PPFIA4: variants seen among roughly 807,000 people sequenced by gnomAD.
The protein encoded by PPFIA4 is PPFI scaffold protein A4.
In PPFIA4, 98 loss-of-function variants were observed where a neutral mutation model predicts 145.7. The observed-to-expected ratio is 0.67, with a 90% confidence interval of 0.57 to 0.80. The LOEUF is 0.80. Ranked by LOEUF, PPFIA4 falls within the 30% of genes least tolerant of loss-of-function variation. PPFIA4 has a pLI of 0.00. For missense variants in PPFIA4, 1,457 were observed against 1,632.7 expected, an observed-to-expected ratio of 0.89 and a Z score of 1.85; for synonymous variants, 628 against 649.6, an observed-to-expected ratio of 0.97 and a Z score of 0.51.
At chr1:203,061,311 G>C (rs137929997) in intron 23 of PPFIA4, 365 of 551,324 alleles carry the variant, frequency 6.6e-4, no homozygotes, top group African/African-American at 6.3e-3. Flanking sequence ...GCTGGGGAGG[G>C]CTTTGCCCTG....
rs1173005176 is a variant in PPFIA4 at position 203,075,909 on chromosome 1, GTGTGTGCGCACTAACCCGCCGCTC to G, written c.3574+159_3574+182del. 7.3e-6 allele frequency: 6 copies of G among 824,636 alleles called. No homozygotes were observed. Among genetic ancestry groups the G allele is most frequent in the Non-Finnish European group, 8.6e-6 (5 of 584,700 alleles). 51.1% of individuals were successfully genotyped at this position (824,636 alleles called of 1,614,324 possible). On this transcript the variant is annotated intron_variant, in intron 29 of 29. Transcript: ENST00000295706. This position sits in a 1 kb window ranked among gnomAD's most constrained non-coding sequence, Gnocchi z 4.1. ...GCTGCACTAACGCTCCGCGGGGAGCGTGTGTGCGCACTAACCCGCCGCTCTGTGTGTTCTCCCGCGGCTGCCGAC... is the reference window on the plus strand; with the variant it reads ...GCTGCACTAACGCTCCGCGGGGAGCGTGTGTGTTCTCCCGCGGCTGCCGAC...
rs938913671 is a variant in PPFIA4, at chr1:203,052,311, C to T, written c.1620+434C>T. ...CCTTGGGATGGCACCTGGAGTTTTC[C>T]GAGAAGCAGCTGTGAGTTCATGCTG... On this transcript the variant is annotated intron_variant, in intron 14 of 29. Transcript: ENST00000295706. Among the ~76,000 whole-genome samples the T allele has an allele frequency of 5.3e-5, 8 of 152,034 alleles. No homozygotes were observed. In the East Asian group the frequency reaches 5.8e-4, roughly 11 times the overall value.
intron 27 of PPFIA4, among the ~76,000 whole-genome samples, chr1:203,070,560 CA>C (rs1662078464): frequency 9.3e-6 from 1 of 107,628 alleles, no homozygotes; most frequent in Non-Finnish European, 1.8e-5. Flanking sequence ...CCAGCCTGGG[CA>C]ACAGAATGAG....
intron 7 of PPFIA4, 102 bp from the exon 8 acceptor site, chr1:203,045,739 C>T (rs1660033467): frequency 1.3e-6 from 2 of 1,554,170 alleles, no homozygotes; most frequent in African/African-American, 1.4e-5. Flanking sequence ...TAGCTCATGC[C>T]CCTTAATGGG....
chr1:203,066,795 A>C (rs936466904), intron 25 of PPFIA4, among the ~76,000 whole-genome samples: 1 of 152,214 alleles, frequency 6.6e-6, no homozygotes, highest in Non-Finnish European at 1.5e-5. Flanking sequence ...TTAATTCATC[A>C]AGCATTTGTA....
chr1:203,037,880 G>T (rs1281569385), intron 1 of PPFIA4, among the ~76,000 whole-genome samples: 3 of 152,204 alleles, frequency 2.0e-5, no homozygotes, highest in Admixed American at 2.0e-4. Flanking sequence ...TGATGCAAAG[G>T]TAGGAGGCTG....
Position 203,056,849 on chromosome 1 carries a change from G to T in PPFIA4, c.2306G>T (p.Gly769Val). The T allele has an allele frequency of 6.2e-7, 1 of 1,614,080 alleles. No homozygotes were observed. ...AGCAGCCAGGACTCCCTGCACAAGG[G>T]CGCCAAGCGCAAGGGCATCAAGTCG... ...SNSSQDSLHK[G>V]AKRKGIKSSI... Residue 769 changes from glycine to valine, a missense_variant, in exon 19 of 30, where the codon GGC becomes GTC. Around this residue, in one of 3 missense-constraint regions of PPFIA4, gnomAD observed 848 missense variants for 1,046.7 expected, o/e 0.81. Coordinates refer to ENST00000295706, the MANE Select transcript of PPFIA4 (RefSeq NM_001304331.2).
In PPFIA4 at chr1:203,055,369, G is replaced by C. The variant is rs924080111; in HGVS notation, c.1830-63G>C. 1 of 1,604,108 alleles carries C rather than the reference G, an allele frequency of 6.2e-7. No individual in the cohort carries two copies. ...TGGTGGCGAGTGCAGGCATCGACCC[G>C]CACTGCCTCCTGCTGGTCCTGGCTG... On this transcript the variant is annotated intron_variant, in intron 15 of 29. Coordinates refer to ENST00000295706, the MANE Select transcript of PPFIA4 (RefSeq NM_001304331.2). This position sits in a 1 kb window ranked among gnomAD's most constrained non-coding sequence, Gnocchi z 4.8.
chr1:203,054,928 G>A (rs1164396182), intron 15 of PPFIA4, among the ~76,000 whole-genome samples: 5 of 152,068 alleles, frequency 3.3e-5, no homozygotes, highest in Admixed American at 6.5e-5. Flanking sequence ...GTGTGAGAGA[G>A]TGTGTGTGTG....
intron 25 of PPFIA4, among the ~76,000 whole-genome samples, chr1:203,064,810 C>G (rs1229515748): frequency 2.6e-5 from 4 of 152,230 alleles, no homozygotes; most frequent in African/African-American, 7.2e-5. Flanking sequence ...CCCAGCCCCC[C>G]AGCCTGCTTC....
In PPFIA4 at chr1:203,045,525, A is replaced by T. The variant is rs772722223; in HGVS notation, c.824A>T (p.Glu275Val). 6.2e-7 allele frequency: 1 copy of T among 1,603,592 alleles called. No homozygotes were observed. Among genetic ancestry groups the T allele is most frequent in the East Asian group, 2.2e-5 (1 of 44,460 alleles). The stretch of plus-strand genomic sequence containing the variant: ...CGCCGGGACCTCATCAAGTCGGAGG[A>T]GCTGAGCAGCAAGCATCAGCGGGAC... ...TARRDLIKSE[E>V]LSSKHQRDLR... Residue 275 changes from glutamate to valine, a missense_variant, in exon 7 of 30, where the codon GAG becomes GTG. By Grantham distance (121) the Glu-to-Val change is moderately radical. Transcript: ENST00000295706.
intron 6 of PPFIA4, 131 bp downstream of exon 6, chr1:203,044,916 T>A: frequency 1.3e-6 from 1 of 774,660 alleles, no homozygotes; most frequent in East Asian, 2.7e-5. Context: ...TATTCCCCCT[T>A]CTCTTTTCTT....
intron 19 of PPFIA4, among the ~76,000 whole-genome samples, chr1:203,057,545 T>A (rs1661059008): frequency 6.6e-6 from 1 of 152,242 alleles, no homozygotes; most frequent in Non-Finnish European, 1.5e-5. Flanking sequence ...CTCTTCTATT[T>A]CTTCTTTTCT....
At chr1:203,067,561 C>T in intron 25 of PPFIA4, 134 bp from the exon 26 acceptor site, 1 of 710,106 alleles carries the variant, frequency 1.4e-6, no homozygotes. Flanking sequence ...GAAGGAGGAG[C>T]ATGAGGAGGC....
At chr1:203,053,670 TGGTGGGTAGA>T in intron 14 of PPFIA4, 73 bp from the exon 15 acceptor site, 3 of 1,161,732 alleles carry the variant, frequency 2.6e-6, no homozygotes, top group Non-Finnish European at 3.7e-6. Context: ...ATGCCAGTGC[TGGTGGGTAGA>T]GGTAGGGAGG....
intron 1 of PPFIA4, chr1:203,035,691 T>C: frequency 2.2e-6 from 1 of 456,570 alleles, no homozygotes; most frequent in Non-Finnish European, 4.4e-6. Context: ...TCTGTTAGGC[T>C]GAGATGATAA....
In PPFIA4 at chr1:203,038,730, A is replaced by G. The variant is rs1291745708; in HGVS notation, c.-279A>G. On this transcript the variant is annotated 5_prime_UTR_variant, in exon 2 of 30. Transcript: ENST00000295706. ...CCTGCTGTCCCTGCCTGTCATGGCC[A>G]CATTCGGCTGCTGTCTGCATGTCTG... The G allele has an allele frequency of 1.1e-5, 3 of 278,288 alleles. No homozygotes were observed. Among genetic ancestry groups the G allele is most frequent in the South Asian group, 5.6e-5 (1 of 17,812 alleles). 17.2% of individuals were successfully genotyped at this position (278,288 alleles called of 1,614,324 possible). A position where few individuals can be genotyped will look rare whatever the true frequency, so the allele number is the denominator to read the frequency against.
intron 25 of PPFIA4, among the ~76,000 whole-genome samples, chr1:203,064,807 C>G (rs1399731960): frequency 6.6e-6 from 1 of 152,198 alleles, no homozygotes; most frequent in Non-Finnish European, 1.5e-5. Flanking sequence ...CCTCCCAGCC[C>G]CCCAGCCTGC....
In PPFIA4 at chr1:203,032,426, C is replaced by CTTTT. The variant is rs67178955; in HGVS notation, c.-400+5800_-400+5803dup. The stretch of plus-strand genomic sequence containing the variant: ...GAGGCTTGTAGTTCTCCCTTCCCCG[C>CTTTT]TTTTTTGTTGTTGTTGTTGTTTTTG... On this transcript the variant is annotated intron_variant, in intron 1 of 29. Coordinates refer to ENST00000295706, the MANE Select transcript of PPFIA4 (RefSeq NM_001304331.2). Among the ~76,000 whole-genome samples, 120 of 59,490 alleles carry CTTTT rather than the reference C, an allele frequency of 2.0e-3. 1 individual carries two copies. The highest frequency in any genetic ancestry group is 3.1e-3 in the Non-Finnish European group (85 of 27,454). The allele number at this position is 59,490 out of a possible 152,430, so 39.0% of individuals were successfully genotyped here.
Sources: gnomAD v4.1 joint callset for allele counts (sites outside exome capture counted in the v4.1 genomes callset) on GRCh38, gnomAD v4.1.1 for gene constraint, gnomAD v4.1.1 regional missense constraint, Gnocchi (gnomAD v3.1) non-coding constraint, MANE v1.5 for transcripts, NCBI Gene and HGNC (gene_info 2026-07-23, HGNC 2026-07-21) for gene names.